The following TMC1 variants were observed in gnomAD, a reference collection of about 807,000 sequenced individuals.
TMC1 encodes the protein transmembrane channel-like protein 1.
In TMC1, 84 loss-of-function variants were observed where a neutral mutation model predicts 105.8. That is an observed-to-expected ratio of 0.79 (90% confidence interval 0.67 to 0.95). The LOEUF (loss-of-function observed/expected upper bound fraction) is 0.95, where lower values mean the gene tolerates loss of function less well. Among genes scored for constraint, TMC1 ranks in the 40% least tolerant of loss-of-function variants. The pLI is 0.00. For missense variants in TMC1, 817 were observed against 914.1 expected (o/e 0.89, Z 1.37); for synonymous variants, 315 against 311.5 (o/e 1.01, Z -0.12).
chr9:72,776,331 G>A (rs1828004629), intron 13 of TMC1, among the ~76,000 whole-genome samples: 1 of 151,808 alleles, frequency 6.6e-6, no homozygotes, highest in Non-Finnish European at 1.5e-5. Flanking sequence ...TTGGCAAAAT[G>A]ACAGTATGTT....
At chr9:72,595,240 G>A (rs1398888535) in intron 2 of TMC1, among the ~76,000 whole-genome samples, 1 of 152,132 alleles carries the variant, frequency 6.6e-6, no homozygotes, top group East Asian at 1.9e-4. Flanking sequence ...ATTAATTTTG[G>A]TCAGTTACTT....
At chr9:72,589,356 G>A (rs1824600309) in intron 2 of TMC1, among the ~76,000 whole-genome samples, 1 of 152,104 alleles carries the variant, frequency 6.6e-6, no homozygotes, top group Admixed American at 6.5e-5. Context: ...TACAATCTGG[G>A]TTTGTTCCGA....
intron 10 of TMC1, among the ~76,000 whole-genome samples, chr9:72,743,892 C>T (rs1036678710): frequency 8.5e-5 from 13 of 152,180 alleles, no homozygotes; most frequent in Admixed American, 3.3e-4. Flanking sequence ...ATTTTGAGCA[C>T]AATCTTTCCA....
chr9:72,737,626 C>A (rs568328337), intron 8 of TMC1, among the ~76,000 whole-genome samples: 19 of 152,112 alleles, frequency 1.2e-4, no homozygotes, highest in Admixed American at 6.5e-5. Context: ...TGGATTAGAA[C>A]CCAACTTGCT....
chr9:72,671,055 A>G (rs1437868266), intron 5 of TMC1, among the ~76,000 whole-genome samples: 2 of 152,362 alleles, frequency 1.3e-5, no homozygotes, highest in East Asian at 1.9e-4. Flanking sequence ...TTTACTTAAT[A>G]TAAGTGTTAT....
intron 23 of TMC1, among the ~76,000 whole-genome samples, chr9:72,832,934 C>T (rs1372973305): frequency 6.6e-6 from 1 of 152,112 alleles, no homozygotes; most frequent in Non-Finnish European, 1.5e-5. Flanking sequence ...CTCCCCTGCA[C>T]TCAAATACCC....
chr9:72,834,331 TTC>T (rs1360378489), intron 23 of TMC1, among the ~76,000 whole-genome samples: 3 of 152,178 alleles, frequency 2.0e-5, no homozygotes, highest in Admixed American at 2.0e-4. Context: ...TGTTTTGTTC[TTC>T]TTTCTCCCCT....
chr9:72,689,533 A>AATATT (rs928346791), intron 6 of TMC1, among the ~76,000 whole-genome samples: 1 of 129,452 alleles, frequency 7.7e-6, no homozygotes, highest in African/African-American at 3.4e-5. Flanking sequence ...TATGGAATGT[A>AATATT]ATGTAGGGTA....
chr9:72,764,800 G>A (rs1232849266), intron 12 of TMC1, among the ~76,000 whole-genome samples: 1 of 151,996 alleles, frequency 6.6e-6, no homozygotes, highest in African/African-American at 2.4e-5. Context: ...CAGATGTTGG[G>A]AATACAAAGA....
chr9:72,684,961 A>G (rs901041633), intron 5 of TMC1, among the ~76,000 whole-genome samples: 1 of 152,222 alleles, frequency 6.6e-6, no homozygotes, highest in Non-Finnish European at 1.5e-5. Context: ...GAGAAGGGCC[A>G]ACATTGACAT....
chr9:72,752,320 T>C (rs1231321239), intron 11 of TMC1, among the ~76,000 whole-genome samples: 1 of 152,192 alleles, frequency 6.6e-6, no homozygotes, highest in Non-Finnish European at 1.5e-5. Context: ...TTGTATTTCT[T>C]TATTTTGCCA....
At chr9:72,555,408 T>G (rs1226194630) in intron 1 of TMC1, among the ~76,000 whole-genome samples, 1 of 151,658 alleles carries the variant, frequency 6.6e-6, no homozygotes, top group Non-Finnish European at 1.5e-5. Context: ...AGGATGGTCT[T>G]GATCTCTTGA....
At chr9:72,601,560 G>A (rs1417661576) in intron 2 of TMC1, among the ~76,000 whole-genome samples, 9 of 152,132 alleles carry the variant, frequency 5.9e-5, no homozygotes, top group Non-Finnish European at 1.2e-4. Context: ...CCAGAGAATC[G>A]CTTGAACCCA....
intron 1 of TMC1, among the ~76,000 whole-genome samples, chr9:72,562,318 T>A (rs2132080634): frequency 6.6e-6 from 1 of 152,326 alleles, no homozygotes; most frequent in East Asian, 1.9e-4. Context: ...ACGTAAAACA[T>A]CCTATGCTCA....
At chr9:72,704,956 G>A (rs1826710325) in intron 8 of TMC1, among the ~76,000 whole-genome samples, 2 of 151,982 alleles carry the variant, frequency 1.3e-5, no homozygotes, top group South Asian at 4.2e-4. Flanking sequence ...GGGAGTTGGA[G>A]GGGGGTAAGG....
chr9:72,814,166 G>A (rs572771594), intron 18 of TMC1, among the ~76,000 whole-genome samples: 55 of 152,270 alleles, frequency 3.6e-4, no homozygotes, highest in East Asian at 7.7e-4. Flanking sequence ...CTAAGGAGGC[G>A]AAGGCTTAAG....
intron 8 of TMC1, among the ~76,000 whole-genome samples, chr9:72,701,214 T>C (rs1013723856): frequency 3.3e-5 from 5 of 152,146 alleles, no homozygotes; most frequent in African/African-American, 1.2e-4. Flanking sequence ...GAATAGTAAA[T>C]AGGATTCCAA....
chr9:72,569,065 G>T (rs1316268344), intron 1 of TMC1, among the ~76,000 whole-genome samples: 1 of 152,136 alleles, frequency 6.6e-6, no homozygotes, highest in Non-Finnish European at 1.5e-5. Flanking sequence ...ATCTGTTGGG[G>T]ACTGATTCCA....
At chr9:72,595,938 G>C (rs781377952) in intron 2 of TMC1, among the ~76,000 whole-genome samples, 1 of 150,304 alleles carries the variant, frequency 6.7e-6, no homozygotes, top group African/African-American at 2.5e-5. Context: ...GTGCAGTGGC[G>C]TGATCTCGGC....
Sources: gnomAD v4.1 joint callset for allele counts (sites outside exome capture counted in the v4.1 genomes callset) on GRCh38, gnomAD v4.1.1 for gene constraint, MANE v1.5 for transcripts, NCBI Gene and HGNC (gene_info 2026-07-23, HGNC 2026-07-21) for gene names.